The following MARCHF1 variants were observed in gnomAD, a reference collection of about 807,000 sequenced individuals.
MARCHF1 encodes the protein E3 ubiquitin-protein ligase MARCHF1.
Under a neutral mutation model 54.2 loss-of-function variants are expected in MARCHF1, and 40 were observed. That is an observed-to-expected ratio of 0.74 (90% confidence interval 0.57 to 0.96). MARCHF1 has a LOEUF of 0.96. Ranked by LOEUF, MARCHF1 falls within the 40% of genes least tolerant of loss-of-function variation. The probability of loss-of-function intolerance (pLI) is 0.00; values close to 1 mark genes in which losing one functional copy is unlikely to be tolerated. For missense variants in MARCHF1, 586 were observed against 656.5 expected (o/e 0.89, Z 1.17); for synonymous variants, 236 against 236.3 (o/e 1.00, Z 0.01).
chr4:164,312,471 C>T (rs1734882311), intron 1 of MARCHF1, among the ~76,000 whole-genome samples: 1 of 151,626 alleles, frequency 6.6e-6, no homozygotes, highest in African/African-American at 2.4e-5. Context: ...TACAGGCGCC[C>T]GCCACTACGC....
At chr4:163,605,765 A>G (rs1274455455) in intron 7 of MARCHF1, among the ~76,000 whole-genome samples, 1 of 152,186 alleles carries the variant, frequency 6.6e-6, no homozygotes, top group Non-Finnish European at 1.5e-5. Flanking sequence ...AGGGACATGG[A>G]TGAAGCTGGA....
At chr4:163,932,072 C>T (rs73868953) in intron 3 of MARCHF1, among the ~76,000 whole-genome samples, 2 of 150,144 alleles carry the variant, frequency 1.3e-5, no homozygotes, top group African/African-American at 2.5e-5. Flanking sequence ...ATTATATCAA[C>T]AAAACAATGT....
intron 2 of MARCHF1, among the ~76,000 whole-genome samples, chr4:164,033,231 ACTAAAATTGGACCC>A (rs1045783423): frequency 6.6e-6 from 1 of 152,062 alleles, no homozygotes; most frequent in African/African-American, 2.4e-5. Flanking sequence ...TTTGCAGACA[ACTAAAATTGGACCC>A]CTTCCCTATA....
At chr4:164,090,984 CCT>C (rs139959702) in intron 2 of MARCHF1, among the ~76,000 whole-genome samples, 42,004 of 151,820 alleles carry the variant, frequency 0.28, 6,071 homozygotes, top group Non-Finnish European at 0.33. Context: ...AACAGGGCAA[CCT>C]TGAGAATTAC....
intron 8 of MARCHF1, among the ~76,000 whole-genome samples, chr4:163,562,744 C>T (rs1273307857): frequency 6.6e-6 from 1 of 152,222 alleles, no homozygotes; most frequent in African/African-American, 2.4e-5. Context: ...TCATCCCAAA[C>T]CCATGTGTCC....
At chr4:163,730,543 T>C (rs557597822) in intron 4 of MARCHF1, among the ~76,000 whole-genome samples, 2 of 152,260 alleles carry the variant, frequency 1.3e-5, no homozygotes, top group Non-Finnish European at 2.9e-5. Flanking sequence ...TTACTCAAGA[T>C]TTGGTTTTTT....
intron 5 of MARCHF1, among the ~76,000 whole-genome samples, chr4:163,646,061 A>C (rs975149424): frequency 6.7e-6 from 1 of 150,148 alleles, no homozygotes; most frequent in Non-Finnish European, 1.5e-5. Context: ...CCAAAGAAAA[A>C]TACTCTGAGG....
intron 4 of MARCHF1, among the ~76,000 whole-genome samples, chr4:163,806,516 A>T (rs1748227703): frequency 6.6e-6 from 1 of 152,218 alleles, no homozygotes; most frequent in South Asian, 2.1e-4. Context: ...GGCTGCTAAT[A>T]CTGGTACCCA....
intron 3 of MARCHF1, among the ~76,000 whole-genome samples, chr4:163,927,435 T>C (rs371587148): frequency 6.6e-6 from 1 of 151,788 alleles, no homozygotes. Flanking sequence ...ACAAACACTT[T>C]CATGTGAGGA....
rs752388581 is a variant in MARCHF1 at position 163,526,753 on chromosome 4, A to C, written c.*1995T>G. 21 of 151,946 alleles carry C rather than the reference A, an allele frequency of 1.4e-4. No homozygotes were observed. The highest frequency in any genetic ancestry group is 2.7e-4 in the Non-Finnish European group (18 of 67,918). 9.4% of individuals were successfully genotyped at this position (151,946 alleles called of 1,614,324 possible). Reference sequence around the variant, plus strand: ...TTTCCCTGTGCTTATAACAAGTTTTAAGAAAGATGAGTTTTAAACCTTTTG... The same window carrying C: ...TTTCCCTGTGCTTATAACAAGTTTTCAGAAAGATGAGTTTTAAACCTTTTG... On this transcript the variant is annotated 3_prime_UTR_variant, in exon 10 of 10. Coordinates refer to ENST00000514618, the MANE Select transcript of MARCHF1 (RefSeq NM_001394959.1).
intron 5 of MARCHF1, among the ~76,000 whole-genome samples, chr4:163,632,675 C>G (rs1242769711): frequency 2.6e-5 from 4 of 152,206 alleles, no homozygotes; most frequent in East Asian, 3.8e-4. Context: ...GGGGGAGGGG[C>G]GCCCACCATT....
At chr4:163,887,628 C>T (rs1003537720) in intron 3 of MARCHF1, among the ~76,000 whole-genome samples, 6 of 152,196 alleles carry the variant, frequency 3.9e-5, no homozygotes, top group Middle Eastern at 3.4e-3. Context: ...TATGTACTTA[C>T]GAAGAGAGTG....
At chr4:164,146,470 C>T (rs1483461927) in intron 1 of MARCHF1, among the ~76,000 whole-genome samples, 1 of 152,134 alleles carries the variant, frequency 6.6e-6, no homozygotes, top group Non-Finnish European at 1.5e-5. Context: ...GGTACCAAAA[C>T]AGAGATATAG....
chr4:163,556,650 G>A (rs754947778), intron 8 of MARCHF1, among the ~76,000 whole-genome samples: 1 of 151,114 alleles, frequency 6.6e-6, no homozygotes, highest in Admixed American at 6.6e-5. Context: ...ATATATATTT[G>A]TACATATATT....
At chr4:163,700,710 T>C in intron 5 of MARCHF1, 103 bp downstream of exon 5, 1 of 839,356 alleles carries the variant, frequency 1.2e-6, no homozygotes, top group Non-Finnish European at 1.9e-6. Context: ...ATCACATTTG[T>C]GTTCTGCTCA....
intron 5 of MARCHF1, among the ~76,000 whole-genome samples, chr4:163,662,763 C>G (rs573672443): frequency 6.6e-6 from 1 of 151,792 alleles, no homozygotes; most frequent in Non-Finnish European, 1.5e-5. Context: ...TTTCTCAATT[C>G]TGCAGCTATT....
In MARCHF1 at chr4:163,527,682, C is replaced by T. The variant is rs557119969; in HGVS notation, c.*1066G>A. 120 of 152,122 alleles carry T rather than the reference C, an allele frequency of 7.9e-4. 1 individual carries two copies. The highest frequency in any genetic ancestry group is 2.7e-3 in the African/African-American group (113 of 41,528). 9.4% of individuals were successfully genotyped at this position (152,122 alleles called of 1,614,324 possible). ...AATTAAACTGTTTTGAAATACTCAA[C>T]AACTGTTAAATAAAGCAGAAGCTTA... On this transcript the variant is annotated 3_prime_UTR_variant, in exon 10 of 10. Coordinates refer to ENST00000514618, the MANE Select transcript of MARCHF1 (RefSeq NM_001394959.1).
intron 1 of MARCHF1, among the ~76,000 whole-genome samples, chr4:164,175,895 A>G (rs1473842128): frequency 6.6e-6 from 1 of 152,136 alleles, no homozygotes; most frequent in East Asian, 1.9e-4. Flanking sequence ...GTTTCTCTGG[A>G]GAACCCTAAT....
chr4:164,154,068 T>A (rs1370320503), intron 1 of MARCHF1, among the ~76,000 whole-genome samples: 1 of 152,216 alleles, frequency 6.6e-6, no homozygotes, highest in African/African-American at 2.4e-5. Flanking sequence ...GTTATATATG[T>A]GAAATATTTT....
Sources: gnomAD v4.1 joint callset for allele counts (sites outside exome capture counted in the v4.1 genomes callset) on GRCh38, gnomAD v4.1.1 for gene constraint, MANE v1.5 for transcripts, NCBI Gene and HGNC (gene_info 2026-07-23, HGNC 2026-07-21) for gene names.